TAF9: variants seen among roughly 807,000 people sequenced by gnomAD.
TAF9 encodes TATA-box binding protein associated factor 9, also known as transcription initiation factor TFIID subunit 9.
In TAF9, 10 loss-of-function variants were observed where a neutral mutation model predicts 16.5. That is an observed-to-expected ratio of 0.61 (90% CI 0.37 to 1.03). The LOEUF is 1.03. Ranked by LOEUF, TAF9 falls within the 50% of genes least tolerant of loss-of-function variation. The probability of loss-of-function intolerance (pLI) is 0.01; values close to 1 mark genes in which losing one functional copy is unlikely to be tolerated. For synonymous variants in TAF9, 105 were observed against 120.5 expected (o/e 0.87, Z 0.84); for missense variants, 288 against 319.1 (o/e 0.90, Z 0.74).
At chr5:69,369,067 ACT>A (rs1762689039) in intron 1 of TAF9, 3 of 274,784 alleles carry the variant, frequency 1.1e-5, no homozygotes, top group Non-Finnish European at 2.0e-5. Context: ...ACCATTAATG[ACT>A]CTACCGGGAA....
At chr5:69,369,415 CGCCCCCA>C (rs1561225776) in intron 1 of TAF9, 41 bp downstream of exon 1, 1 of 1,597,814 alleles carries the variant, frequency 6.3e-7, no homozygotes, top group South Asian at 1.1e-5. Context: ...GAGCACTCTG[CGCCCCCA>C]GCCTGCCCCA....
At position 69,365,495 on chromosome 5, in the gene TAF9, C is replaced by T. The variant is rs1375005478; in HGVS notation, c.243G>A (p.Gln81=). 1 of 1,613,950 alleles carries T rather than the reference C, an allele frequency of 6.2e-7. No individual in the cohort carries two copies. The highest frequency in any genetic ancestry group is 2.2e-5 in the East Asian group (1 of 44,902). The change falls in exon 3 of 3, where the codon CAG becomes CAA. Residue 81 remains glutamine, a synonymous_variant. Coordinates refer to ENST00000217893, the MANE Select transcript of TAF9 (RefSeq NM_003187.5). ...VRLAIQCRAD[Q]SFTSPPPRDF... ...CTCTTGGGGGAGGAGAGGTAAAAGA[C>T]TGATCAGCGCGGCACTGGATTGCCA... is the stretch of plus-strand genomic sequence containing the variant.
At chr5:69,368,741 A>G (rs1762650478) in intron 1 of TAF9, 1 of 152,174 alleles carries the variant, frequency 6.6e-6, no homozygotes, top group Non-Finnish European at 1.5e-5. Context: ...AATTTGATAA[A>G]CACTTTCAGG....
At chr5:69,369,130 C>A (rs1762697630) in intron 1 of TAF9, 1 of 439,126 alleles carries the variant, frequency 2.3e-6, no homozygotes, top group South Asian at 4.3e-5. Context: ...CCAACCCTGC[C>A]AAAGAATCAA....
In TAF9 at chr5:69,369,450, C is replaced by G. The variant is rs1762754630; in HGVS notation, c.-111+13G>C. 1.2e-6 allele frequency: 2 copies of G among 1,610,218 alleles called. No individual in the cohort carries two copies. Among genetic ancestry groups the G allele is most frequent in the Non-Finnish European group, 1.7e-6 (2 of 1,179,082 alleles). On this transcript the variant is annotated intron_variant, in intron 1 of 2. Transcript: ENST00000217893. Reference sequence around the variant, plus strand: ...CTGCCCCAGCCCAGTCCCTCCCGGCCGCGCGCCCTGACCGGTGAGCAGGAT... The same window carrying G: ...CTGCCCCAGCCCAGTCCCTCCCGGCGGCGCGCCCTGACCGGTGAGCAGGAT...
At chr5:69,367,684 C>A (rs531083623) in intron 1 of TAF9, among the ~76,000 whole-genome samples, 2 of 152,180 alleles carry the variant, frequency 1.3e-5, no homozygotes, top group African/African-American at 4.8e-5. Context: ...TGTCCGGTAG[C>A]TAGGACCACA....
chr5:69,368,218 G>T (rs967457479), intron 1 of TAF9, among the ~76,000 whole-genome samples: 1 of 152,032 alleles, frequency 6.6e-6, no homozygotes, highest in Admixed American at 6.5e-5. Context: ...TTACATAAAT[G>T]ACAATACTAT....
Position 69,364,841 on chromosome 5 carries a change from TTAG to T in TAF9, c.*99_*101del. The T allele has an allele frequency of 4.0e-6, 4 of 1,011,898 alleles. No individual in the cohort carries two copies. The highest frequency in any genetic ancestry group is 1.5e-5 in the South Asian group (1 of 64,548). 62.7% of individuals were successfully genotyped at this position (1,011,898 alleles called of 1,614,324 possible). ...TGGTAACTGTGTTTACTCATTATTA[TTAG>T]TTTTCTAAAACACAACTTGAAAACA... is the stretch of plus-strand genomic sequence containing the variant. On this transcript the variant is annotated 3_prime_UTR_variant, in exon 3 of 3. Coordinates refer to ENST00000217893, the MANE Select transcript of TAF9 (RefSeq NM_003187.5).
rs1414397934 is a variant in TAF9, at chr5:69,366,613, G to A, written c.-110-18C>T. 1 of 1,564,116 alleles carries A rather than the reference G, an allele frequency of 6.4e-7. No homozygotes were observed. The highest frequency in any genetic ancestry group is 1.4e-5 in the African/African-American group (1 of 73,912). On this transcript the variant is annotated intron_variant, in intron 1 of 2. Transcript: ENST00000217893. Reference sequence around the variant, plus strand: ...TGGTGTACCTGTAAGACAAGCCACAGAAAAATACTGTTTGTGAAATACTAC... The same window carrying A: ...TGGTGTACCTGTAAGACAAGCCACAAAAAAATACTGTTTGTGAAATACTAC...
chr5:69,366,693 C>CAAA, intron 1 of TAF9, 98 bp from the exon 2 acceptor site: 5 of 863,062 alleles, frequency 5.8e-6, no homozygotes, highest in Non-Finnish European at 9.5e-6. Context: ...GACAGAGTCT[C>CAAA]ACCTGGCCTC....
At chr5:69,368,017 G>A (rs1274788488) in intron 1 of TAF9, 5 of 152,060 alleles carry the variant, frequency 3.3e-5, no homozygotes, top group Admixed American at 6.6e-5. Flanking sequence ...ACAAAAACAA[G>A]AACAAAAACA....
At chr5:69,366,740 T>C in intron 1 of TAF9, 145 bp from the exon 2 acceptor site, 1 of 647,978 alleles carries the variant, frequency 1.5e-6, no homozygotes, top group Non-Finnish European at 2.7e-6. Context: ...AATGAAAAAT[T>C]TCCTAATTAG....
At chr5:69,369,176 A>G (rs1762700907) in intron 1 of TAF9, 1 of 491,120 alleles carries the variant, frequency 2.0e-6, no homozygotes, top group Admixed American at 4.2e-5. Context: ...AGATTCAGAA[A>G]GACTAAGCAG....
Position 69,366,591 on chromosome 5 carries a change from T to G in TAF9, c.-106A>C, listed in dbSNP as rs1243815537. ...CTAGTGTGGTTTTTCCAACCCCTGG[T>G]GTACCTGTAAGACAAGCCACAGAAA... On this transcript the variant is annotated 5_prime_UTR_variant, in exon 2 of 3. Coordinates refer to ENST00000217893, the MANE Select transcript of TAF9 (RefSeq NM_003187.5). 9 of 1,612,502 alleles carry G rather than the reference T, an allele frequency of 5.6e-6. No homozygotes were observed.
Position 69,365,552 on chromosome 5 carries a change from C to T in TAF9, c.186G>A (p.Lys62=). ...DDAKIYSSHA[K]KATVDADDVR... ...CATCATCTGCATCAACAGTAGCTTT[C>T]TTAGCATGGCTTGAATAAATTTTTG... Residue 62 remains lysine (K), a synonymous_variant, in exon 3 of 3, where the codon AAG becomes AAA. Transcript: ENST00000217893. The T allele has an allele frequency of 1.2e-6, 2 of 1,613,980 alleles. No homozygotes were observed. The highest frequency in any genetic ancestry group is 1.7e-6 in the Non-Finnish European group (2 of 1,179,920).
Position 69,369,512 on chromosome 5 carries a change from G to C in TAF9, c.-160C>G, listed in dbSNP as rs1418790223. Reference sequence around the variant, plus strand: ...ACATGGTCCCCGCCGCGACGGCTTCGGGCGCCTCGCTCACGTGCCCTTTGC... The same window carrying C: ...ACATGGTCCCCGCCGCGACGGCTTCCGGCGCCTCGCTCACGTGCCCTTTGC... On this transcript the variant is annotated 5_prime_UTR_variant, in exon 1 of 3. Transcript: ENST00000217893. 6.2e-6 allele frequency: 10 copies of C among 1,611,070 alleles called. No homozygotes were observed. Among genetic ancestry groups the C allele is most frequent in the African/African-American group, 1.3e-5 (1 of 74,814 alleles).
upstream of TAF9, chr5:69,369,625 C>T (rs779835685): frequency 7.6e-6 from 12 of 1,570,154 alleles, no homozygotes; most frequent in African/African-American, 8.1e-5. Flanking sequence ...CCCTAGCCTG[C>T]CCCGGCGGCC....
At chr5:69,369,692 G>A, upstream of TAF9, 1 of 1,553,464 alleles carries the variant, frequency 6.4e-7, no homozygotes, top group Non-Finnish European at 8.7e-7. Context: ...CGCAAAGTTG[G>A]AGGGTGGGCA....
intron 1 of TAF9, among the ~76,000 whole-genome samples, chr5:69,367,364 G>C (rs761402689): frequency 6.6e-6 from 1 of 151,662 alleles, no homozygotes; most frequent in African/African-American, 2.4e-5. Flanking sequence ...ACAAAAATTA[G>C]CCGGGCGTGG....
Sources: gnomAD v4.1 joint callset for allele counts (sites outside exome capture counted in the v4.1 genomes callset) on GRCh38, gnomAD v4.1.1 for gene constraint, MANE v1.5 for transcripts, NCBI Gene and HGNC (gene_info 2026-07-23, HGNC 2026-07-21) for gene names.